Variants in ATP6V1C1 observed in about 807,000 individuals in gnomAD.
The protein encoded by ATP6V1C1 is V-type proton ATPase subunit C 1.
Under a neutral mutation model 53.9 loss-of-function variants are expected in ATP6V1C1, and 45 were observed. That is an observed-to-expected ratio of 0.83 (90% confidence interval 0.66 to 1.07). ATP6V1C1 has a LOEUF of 1.07. ATP6V1C1 is among the 50% of genes least tolerant of loss of function. The pLI, the probability that ATP6V1C1 is intolerant of heterozygous loss-of-function variation, is 0.00. For missense variants in ATP6V1C1, 315 were observed against 440.3 expected (o/e 0.72, Z 2.55); for synonymous variants, 153 against 155.2 (o/e 0.99, Z 0.11).
At chr8:103,051,534 A>G (rs1817199435) in intron 5 of ATP6V1C1, among the ~76,000 whole-genome samples, 1 of 152,128 alleles carries the variant, frequency 6.6e-6, no homozygotes, top group Admixed American at 6.5e-5. Flanking sequence ...TACTTGTTCA[A>G]ACATTAAACT....
intron 1 of ATP6V1C1, among the ~76,000 whole-genome samples, chr8:103,024,322 C>G (rs1343573490): frequency 1.1e-4 from 17 of 152,060 alleles, no homozygotes. Flanking sequence ...GTATATTAGT[C>G]TTAGGAGCCT....
chr8:103,057,469 T>A (rs562776159), intron 8 of ATP6V1C1, among the ~76,000 whole-genome samples: 1 of 152,250 alleles, frequency 6.6e-6, no homozygotes, highest in African/African-American at 2.4e-5. Context: ...CCATCTGCCA[T>A]GCAGGAAAGG....
At chr8:103,043,654 T>C (rs138476948) in intron 3 of ATP6V1C1, among the ~76,000 whole-genome samples, 184 of 152,082 alleles carry the variant, frequency 1.2e-3, no homozygotes, top group African/African-American at 4.2e-3. Flanking sequence ...TTTTAAAAAT[T>C]TGTGTTTCCC....
rs1395527550 is a variant in ATP6V1C1, at chr8:103,052,765, G to A, written c.416G>A (p.Arg139Gln). ...VTQIDNDLKS[R>Q]ASAYNNLKGN... ...CAGATTGATAATGACCTGAAATCTCGAGCATCTGCATACAATAACCTGAAA... is the reference window on the plus strand; with the variant it reads ...CAGATTGATAATGACCTGAAATCTCAAGCATCTGCATACAATAACCTGAAA... The change falls in exon 6 of 13, where the codon CGA (arginine) becomes CAA (glutamine). Residue 139 changes from arginine (R) to glutamine (Q), a missense_variant. Physicochemically the swap from Arg to Gln is conservative, Grantham distance 43 (BLOSUM62 1). Transcript: ENST00000518738. 1.9e-6 allele frequency: 3 copies of A among 1,593,846 alleles called. No homozygotes were observed. The highest frequency in any genetic ancestry group is 2.6e-6 in the Non-Finnish European group (3 of 1,171,762).
At chr8:103,053,647 A>G (rs1265830899) in intron 6 of ATP6V1C1, among the ~76,000 whole-genome samples, 1 of 151,994 alleles carries the variant, frequency 6.6e-6, no homozygotes, top group Non-Finnish European at 1.5e-5. Context: ...GCTGAGTTAT[A>G]ATAATTAAAG....
chr8:103,061,719 G>C (rs939525117), intron 8 of ATP6V1C1, among the ~76,000 whole-genome samples: 4 of 152,222 alleles, frequency 2.6e-5, no homozygotes, highest in African/African-American at 7.2e-5. Flanking sequence ...TCTCAGTAAA[G>C]CTGTTTAAAA....
chr8:103,057,007 G>A (rs1396265737), intron 8 of ATP6V1C1, among the ~76,000 whole-genome samples: 1 of 152,146 alleles, frequency 6.6e-6, no homozygotes, highest in Non-Finnish European at 1.5e-5. Context: ...TTGTGACTTC[G>A]AGTTGTCCAG....
intron 1 of ATP6V1C1, among the ~76,000 whole-genome samples, chr8:103,024,277 A>C (rs1352394302): frequency 6.6e-6 from 1 of 152,242 alleles, no homozygotes; most frequent in Non-Finnish European, 1.5e-5. Flanking sequence ...TCAGCTTTTA[A>C]AACTTGGCAC....
chr8:103,023,916 A>G (rs952385421), intron 1 of ATP6V1C1, among the ~76,000 whole-genome samples: 16 of 147,528 alleles, frequency 1.1e-4, no homozygotes, highest in Admixed American at 9.5e-4. Flanking sequence ...GGGGGGGGGG[A>G]ACTTCTCCCT....
intron 6 of ATP6V1C1, among the ~76,000 whole-genome samples, 192 bp downstream of exon 6, chr8:103,053,014 A>T (rs1817227205): frequency 6.6e-6 from 1 of 151,986 alleles, no homozygotes; most frequent in African/African-American, 2.4e-5. Context: ...AACAGATGTG[A>T]GGCTGATTTA....
chr8:103,057,507 G>T (rs1482737345), intron 8 of ATP6V1C1, among the ~76,000 whole-genome samples: 1 of 152,174 alleles, frequency 6.6e-6, no homozygotes. Flanking sequence ...TGGTCCTTTT[G>T]TTACTTAGGC....
rs1817568248 is a variant in ATP6V1C1, at chr8:103,070,504, C to G, written c.*1757C>G. 1.3e-5 allele frequency: 2 copies of G among 152,142 alleles called. No homozygotes were observed. The highest frequency in any genetic ancestry group is 4.1e-4 in the South Asian group (2 of 4,820). The allele number at this position is 152,142 out of a possible 1,614,324, so 9.4% of individuals were successfully genotyped here. On this transcript the variant is annotated 3_prime_UTR_variant, in exon 13 of 13. Transcript: ENST00000518738. ...ATTTTGCTATCAGAAAATTTTGGTTCTTTGTCTTTTGCACATGTTCTTTGA... is the reference window on the plus strand; with the variant it reads ...ATTTTGCTATCAGAAAATTTTGGTTGTTTGTCTTTTGCACATGTTCTTTGA...
At chr8:103,034,198 GA>G (rs1346151967) in intron 1 of ATP6V1C1, among the ~76,000 whole-genome samples, 1 of 152,150 alleles carries the variant, frequency 6.6e-6, no homozygotes, top group African/African-American at 2.4e-5. Context: ...AGAAAGAGAA[GA>G]AGGACATAGA....
intron 7 of ATP6V1C1, among the ~76,000 whole-genome samples, chr8:103,055,283 A>G (rs1817270672): frequency 6.6e-6 from 1 of 152,118 alleles, no homozygotes; most frequent in Admixed American, 6.6e-5. Context: ...ATGATGAATT[A>G]TTCTCTATTC....
intron 1 of ATP6V1C1, among the ~76,000 whole-genome samples, chr8:103,035,648 G>A (rs1035871306): frequency 2.0e-5 from 3 of 152,178 alleles, no homozygotes; most frequent in Non-Finnish European, 4.4e-5. Flanking sequence ...CGCATGGAAA[G>A]GGGAAGGTCT....
chr8:103,050,745 TA>T (rs1817185964), intron 4 of ATP6V1C1, among the ~76,000 whole-genome samples: 1 of 152,222 alleles, frequency 6.6e-6, no homozygotes, highest in Non-Finnish European at 1.5e-5. Flanking sequence ...AGTAGTTTCT[TA>T]ATCTTTATGT....
In ATP6V1C1 at chr8:103,053,362, G is replaced by T. The variant is rs1465285462; in HGVS notation, c.474-522G>T. Among the ~76,000 whole-genome samples the T allele has an allele frequency of 1.1e-4, 16 of 152,018 alleles. No individual in the cohort carries two copies. In the East Asian group the frequency reaches 3.1e-3, roughly 29 times the overall value. The stretch of plus-strand genomic sequence containing the variant: ...CCTTCATATCCTAGAGGGAAAGTTG[G>T]TTGGATACTGTGAGTGATACAAACA... On this transcript the variant is annotated intron_variant, in intron 6 of 12. Coordinates refer to ENST00000518738, the MANE Select transcript of ATP6V1C1 (RefSeq NM_001695.5).
Position 103,065,912 on chromosome 8 carries a change from T to C in ATP6V1C1, c.927-409T>C, listed in dbSNP as rs541035968. 4.3e-4 allele frequency among the ~76,000 whole-genome samples: 65 copies of C among 151,802 alleles called. No homozygotes were observed. In the South Asian group the frequency reaches 0.013, roughly 30 times the overall value. ...GAAAAATCAGCTGGGCATGGTGGTA[T>C]GTGCCTGTAATCCCAGCTACTCAGG... On this transcript the variant is annotated intron_variant, in intron 11 of 12. Coordinates refer to ENST00000518738, the MANE Select transcript of ATP6V1C1 (RefSeq NM_001695.5).
chr8:103,024,882 G>A lies in ATP6V1C1; in HGVS notation c.-40+3657G>A, dbSNP rs574002306. Among the ~76,000 whole-genome samples, 66 of 152,154 alleles carry A rather than the reference G, an allele frequency of 4.3e-4. 2 individuals carry two copies. The South Asian group carries it at 0.012, about 27-fold the overall frequency. The stretch of plus-strand genomic sequence containing the variant: ...TATACCATGTGCAAATGTACTATGC[G>A]TTTATTGAGTTAAAAAAATGAGCCA... On this transcript the variant is annotated intron_variant, in intron 1 of 12. Transcript: ENST00000518738.
Sources: gnomAD v4.1 joint callset for allele counts (sites outside exome capture counted in the v4.1 genomes callset) on GRCh38, gnomAD v4.1.1 for gene constraint, MANE v1.5 for transcripts, NCBI Gene and HGNC (gene_info 2026-07-23, HGNC 2026-07-21) for gene names.